Variants in CEP68 observed in about 807,000 individuals in gnomAD.
The protein encoded by CEP68 is centrosomal protein of 68 kDa.
In CEP68, 26 loss-of-function variants were observed where a neutral mutation model predicts 55.3. The observed-to-expected ratio is 0.47, with a 90% CI of 0.34 to 0.65. The LOEUF is 0.65. Ranked by LOEUF, CEP68 falls within the 30% of genes least tolerant of loss-of-function variation. The pLI is 0.01. For synonymous variants in CEP68, 402 were observed against 383.2 expected (o/e 1.05, Z -0.57); for missense variants, 957 against 946.7 (o/e 1.01, Z -0.14).
chr2:65,072,991 T>G lies in CEP68; in HGVS notation c.1884+11T>G, dbSNP rs1573037420. 3 of 1,613,970 alleles carry G rather than the reference T, an allele frequency of 1.9e-6. No individual in the cohort carries two copies. Among genetic ancestry groups the G allele is most frequent in the Middle Eastern group, 3.3e-4 (2 of 6,062 alleles). On this transcript the variant is annotated intron_variant, in intron 3 of 6. Transcript: ENST00000377990. The stretch of plus-strand genomic sequence containing the variant: ...GTGCAATGTGTGAAGGTAATGACAC[T>G]CAACGTTAGGAAGCTTTGTGTACAG...
intron 5 of CEP68, among the ~76,000 whole-genome samples, chr2:65,082,072 A>G (rs377180901): frequency 1.1e-4 from 17 of 152,330 alleles, no homozygotes; most frequent in African/African-American, 3.8e-4. Flanking sequence ...CAAATCTATT[A>G]CAGACCACCC....
At chr2:65,065,108 T>C (rs1395792953) in intron 1 of CEP68, among the ~76,000 whole-genome samples, 1 of 152,166 alleles carries the variant, frequency 6.6e-6, no homozygotes, top group Non-Finnish European at 1.5e-5. Flanking sequence ...ATCTGTGACG[T>C]GAGGATTAAA....
intron 5 of CEP68, 61 bp from the exon 6 acceptor site, chr2:65,082,475 T>C (rs1243495460): frequency 1.2e-5 from 17 of 1,422,544 alleles, no homozygotes; most frequent in Non-Finnish European, 1.3e-5. Context: ...TGAAAATGCT[T>C]ACTGGACAAC....
intron 5 of CEP68, among the ~76,000 whole-genome samples, chr2:65,079,441 C>T (rs1049007872): frequency 6.6e-6 from 1 of 152,190 alleles, no homozygotes; most frequent in Non-Finnish European, 1.5e-5. Context: ...GGTTGAGAGG[C>T]ATCAGTGGAC....
At chr2:65,076,061 TCACTTTGAGGAACTC>T (rs1676742593) in intron 4 of CEP68, among the ~76,000 whole-genome samples, 1 of 151,108 alleles carries the variant, frequency 6.6e-6, no homozygotes, top group Non-Finnish European at 1.5e-5. Flanking sequence ...TTTGAGTTCC[TCACTTTGAGGAACTC>T]CACAATGAGT....
chr2:65,066,744 A>AT (rs1676198401), intron 1 of CEP68, among the ~76,000 whole-genome samples: 49 of 91,902 alleles, frequency 5.3e-4, no homozygotes, highest in African/African-American at 2.2e-3. Context: ...AAAAAAAAAA[A>AT]AATATATATA....
chr2:65,074,578 C>A, intron 4 of CEP68, 174 bp downstream of exon 4: 2 of 903,582 alleles, frequency 2.2e-6, no homozygotes, highest in Non-Finnish European at 3.5e-6. Context: ...TTGTAAAATG[C>A]ATGAATTATT....
In CEP68 at chr2:65,072,773, G is replaced by A; in HGVS notation, c.1677G>A (p.Leu559=). 1 of 1,614,156 alleles carries A rather than the reference G, an allele frequency of 6.2e-7. No homozygotes were observed. The highest frequency in any genetic ancestry group is 2.2e-5 in the East Asian group (1 of 44,886). The change falls in exon 3 of 7, where the codon CTG becomes CTA. Residue 559 remains leucine (L), a synonymous_variant. Transcript: ENST00000377990. ...CTGAGGGCCAGAATCCCTGTTTCCT[G>A]CGCTCCTTCGTCCGTGCCCACGACT... ...GDPEGQNPCF[L]RSFVRAHDSA... is the part of the protein sequence containing the mutation.
chr2:65,080,239 G>T, intron 5 of CEP68: 1 of 985,224 alleles, frequency 1.0e-6, no homozygotes, highest in African/African-American at 1.7e-5. Flanking sequence ...CTCTCAAGAG[G>T]TTTTTTACTG....
chr2:65,079,032 T>C (rs1177461314), intron 5 of CEP68, among the ~76,000 whole-genome samples: 1 of 152,230 alleles, frequency 6.6e-6, no homozygotes, highest in Non-Finnish European at 1.5e-5. Flanking sequence ...AGCCTTGAAC[T>C]GATGGCAGCC....
chr2:65,082,391 A>T, intron 5 of CEP68, 145 bp from the exon 6 acceptor site: 1 of 574,994 alleles, frequency 1.7e-6, no homozygotes, highest in East Asian at 3.5e-5. Context: ...AATCACTGTT[A>T]AAAAAGGGCA....
chr2:65,062,416 C>T (rs1437456600), intron 1 of CEP68, among the ~76,000 whole-genome samples: 2 of 151,664 alleles, frequency 1.3e-5, no homozygotes, highest in African/African-American at 4.8e-5. Flanking sequence ...ACCTGGAGTC[C>T]CAGCTGCTTT....
In CEP68 at chr2:65,084,188, A is replaced by G. The variant is rs568859261; in HGVS notation, c.*554A>G. On this transcript the variant is annotated 3_prime_UTR_variant, in exon 7 of 7. Transcript: ENST00000377990. ...AGAAAAAGGGTTAAATGAAGCATCT[A>G]TACAGATGACTTTGGGAGATTATGA... 6.6e-6 allele frequency: 1 copy of G among 152,374 alleles called. No homozygotes were observed. Among genetic ancestry groups the G allele is most frequent in the South Asian group, 2.1e-4 (1 of 4,826 alleles). 9.4% of individuals were successfully genotyped at this position (152,374 alleles called of 1,614,324 possible). A position where few individuals can be genotyped will look rare whatever the true frequency, so the allele number is the denominator to read the frequency against.
Position 65,065,477 on chromosome 2 carries a change from G to A in CEP68, c.-46-3922G>A, listed in dbSNP as rs575437716. 2.6e-5 allele frequency among the ~76,000 whole-genome samples: 4 copies of A among 152,306 alleles called. No homozygotes were observed. In the East Asian group the frequency reaches 5.8e-4, roughly 22 times the overall value. On this transcript the variant is annotated intron_variant, in intron 1 of 6. Transcript: ENST00000377990. ...TGTCGTCAGTAAGTTCTTGGAAACCGTGACTCTGCCACTTGAAAGGACATA... is the reference window on the plus strand; with the variant it reads ...TGTCGTCAGTAAGTTCTTGGAAACCATGACTCTGCCACTTGAAAGGACATA...
chr2:65,069,812 A>C lies in CEP68; in HGVS notation c.357+11A>C. 1 of 1,608,594 alleles carries C rather than the reference A, an allele frequency of 6.2e-7. No homozygotes were observed. The highest frequency in any genetic ancestry group is 8.5e-7 in the Non-Finnish European group (1 of 1,175,458). ...TCCGGGGAAAGCCAGGTAGGTACTA[A>C]GGCAAGACTGTAGATGGACCCATTG... On this transcript the variant is annotated intron_variant, in intron 2 of 6. Coordinates refer to ENST00000377990, the MANE Select transcript of CEP68 (RefSeq NM_015147.3).
At chr2:65,067,076 T>TAA (rs1374343163) in intron 1 of CEP68, among the ~76,000 whole-genome samples, 8 of 143,114 alleles carry the variant, frequency 5.6e-5, no homozygotes, top group South Asian at 4.4e-4. Context: ...TACTTTTATG[T>TAA]AAAAAAAAAA....
chr2:65,073,963 A>G lies in CEP68; in HGVS notation c.1885-319A>G, dbSNP rs544058354. ...AAACATGGACGTATCTGGCTCCAAG[A>G]TGCTGATTCTAGTTAGTAATGGTGC... On this transcript the variant is annotated intron_variant, in intron 3 of 6. Transcript: ENST00000377990. 8 of 248,084 alleles carry G rather than the reference A, an allele frequency of 3.2e-5. No individual in the cohort carries two copies. The Admixed American group carries it at 4.1e-4, about 13-fold the overall frequency. The allele number at this position is 248,084 out of a possible 1,614,324, so 15.4% of individuals were successfully genotyped here. A position where few individuals can be genotyped will look rare whatever the true frequency, so the allele number is the denominator to read the frequency against.
In CEP68 at chr2:65,069,598, A is replaced by C; in HGVS notation, c.154A>C (p.Ile52Leu). 6.2e-7 allele frequency: 1 copy of C among 1,614,002 alleles called. No homozygotes were observed. Among genetic ancestry groups the C allele is most frequent in the Non-Finnish European group, 8.5e-7 (1 of 1,179,956 alleles). The change falls in exon 2 of 7, where the codon ATC becomes CTC. Residue 52 changes from isoleucine (I) to leucine (L), a missense_variant. Transcript: ENST00000377990. ...PPRLEAEGGL[I>L]SPVWGAEGIP... Reference sequence around the variant, plus strand: ...ACGCCTGGAAGCTGAGGGAGGGCTCATCTCCCCTGTATGGGGGGCAGAAGG... The same window carrying C: ...ACGCCTGGAAGCTGAGGGAGGGCTCCTCTCCCCTGTATGGGGGGCAGAAGG...
intron 1 of CEP68, among the ~76,000 whole-genome samples, chr2:65,062,947 A>G (rs1272280682): frequency 1.3e-5 from 2 of 152,122 alleles, no homozygotes; most frequent in Non-Finnish European, 2.9e-5. Flanking sequence ...GCAGAGCCTC[A>G]CCCCTCCCAC....
Sources: allele counts gnomAD v4.1 joint callset (sites outside exome capture counted in the v4.1 genomes callset), GRCh38; gene constraint gnomAD v4.1.1; transcripts MANE v1.5; gene names NCBI Gene and HGNC (gene_info 2026-07-23, HGNC 2026-07-21).